Variants in DDX10 observed in about 807,000 individuals in gnomAD.
DDX10 encodes probable ATP-dependent RNA helicase DDX10.
A neutral mutation model predicts 104.3 loss-of-function variants in DDX10; 74 were observed. That is an observed-to-expected ratio of 0.71 (90% CI 0.59 to 0.86). The LOEUF (loss-of-function observed/expected upper bound fraction) is 0.86, where lower values mean the gene tolerates loss of function less well. DDX10 is among the 40% of genes least tolerant of loss of function. The pLI is 0.00. For synonymous variants in DDX10, 351 were observed against 353.4 expected, an observed-to-expected ratio of 0.99 and a Z score of 0.08; for missense variants, 952 against 1,040.0, an observed-to-expected ratio of 0.92 and a Z score of 1.16.
chr11:108,875,211 G>A (rs75990478), intron 16 of DDX10, among the ~76,000 whole-genome samples: 9 of 152,244 alleles, frequency 5.9e-5, no homozygotes, highest in South Asian at 2.1e-4. Flanking sequence ...GACTGGCTGC[G>A]TTTAGTCAAT....
At chr11:108,764,006 A>G (rs2094353685) in intron 13 of DDX10, among the ~76,000 whole-genome samples, 1 of 152,216 alleles carries the variant, frequency 6.6e-6, no homozygotes, top group Non-Finnish European at 1.5e-5. Flanking sequence ...TAAAATAATG[A>G]GAATTGTAGA....
Position 108,931,245 on chromosome 11 carries a change from A to G in DDX10, c.2451-9001A>G, listed in dbSNP as rs547181930. ...ACAGAAAAGTAAGATCATGCCCACC[A>G]TGGGGAGTTGGAGAAGCTATAGTTA... On this transcript the variant is annotated intron_variant, in intron 17 of 17. Transcript: ENST00000322536. Among the ~76,000 whole-genome samples the G allele has an allele frequency of 8.5e-5, 13 of 152,342 alleles. No homozygotes were observed. The South Asian group carries it at 2.7e-3, about 32-fold the overall frequency.
At chr11:108,938,337 C>T (rs1395996512) in intron 17 of DDX10, among the ~76,000 whole-genome samples, 1 of 152,282 alleles carries the variant, frequency 6.6e-6, no homozygotes, top group Non-Finnish European at 1.5e-5. Flanking sequence ...AAATTTTCTA[C>T]CTTTTATTAT....
At chr11:108,849,797 C>T (rs1472146366) in intron 15 of DDX10, among the ~76,000 whole-genome samples, 1 of 152,050 alleles carries the variant, frequency 6.6e-6, no homozygotes, top group African/African-American at 2.4e-5. Flanking sequence ...GGGAGGAGGA[C>T]TTCAATTACT....
chr11:108,865,927 GA>G (rs1392723833), intron 16 of DDX10, among the ~76,000 whole-genome samples: 5 of 151,828 alleles, frequency 3.3e-5, no homozygotes, highest in African/African-American at 1.2e-4. Flanking sequence ...TGAATCCAAA[GA>G]AAAAAAATAA....
intron 13 of DDX10, among the ~76,000 whole-genome samples, chr11:108,803,958 T>C (rs1862061344): frequency 6.6e-6 from 1 of 152,206 alleles, no homozygotes; most frequent in Non-Finnish European, 1.5e-5. Flanking sequence ...CTCTCATCCC[T>C]TTTAGAGTAA....
At chr11:108,802,844 C>G (rs1033615556) in intron 13 of DDX10, among the ~76,000 whole-genome samples, 1 of 152,108 alleles carries the variant, frequency 6.6e-6, no homozygotes, top group African/African-American at 2.4e-5. Context: ...TGACCAAAAC[C>G]AATTTTATAT....
chr11:108,851,041 TGCTAATG>T lies in DDX10; in HGVS notation c.2248-1110_2248-1104del, dbSNP rs1410972782. Among the ~76,000 whole-genome samples, 29 of 152,212 alleles carry T rather than the reference TGCTAATG, an allele frequency of 1.9e-4. 1 individual carries two copies. The highest frequency in any genetic ancestry group is 1.9e-3 in the Admixed American group (29 of 15,276). On this transcript the variant is annotated intron_variant, in intron 15 of 17. Transcript: ENST00000322536. ...TGTTGGTAAGAAAATAACAGTAATG[TGCTAATG>T]GACAAAGAAATTTTTATGAAAGTAC...
intron 1 of DDX10, among the ~76,000 whole-genome samples, chr11:108,672,544 G>A (rs1180376404): frequency 3.9e-5 from 6 of 152,212 alleles, no homozygotes; most frequent in Non-Finnish European, 7.3e-5. Flanking sequence ...AGCATTGGAG[G>A]GCACAGAGTA....
intron 16 of DDX10, among the ~76,000 whole-genome samples, chr11:108,903,183 C>T (rs1231855253): frequency 6.6e-6 from 1 of 152,130 alleles, no homozygotes; most frequent in Admixed American, 6.5e-5. Flanking sequence ...TTGACACCCC[C>T]AAAAGGAACC....
chr11:108,678,725 C>T (rs1046536213), intron 5 of DDX10, among the ~76,000 whole-genome samples: 1 of 152,004 alleles, frequency 6.6e-6, no homozygotes, highest in Non-Finnish European at 1.5e-5. Context: ...GTCAAATTGG[C>T]ATTTTTTTAA....
At chr11:108,826,781 C>T (rs1862401560) in intron 13 of DDX10, among the ~76,000 whole-genome samples, 1 of 152,006 alleles carries the variant, frequency 6.6e-6, no homozygotes, top group Admixed American at 6.6e-5. Flanking sequence ...ATTGAGAGGC[C>T]CTTGATCCAG....
chr11:108,734,418 G>A (rs1395899485), intron 13 of DDX10, among the ~76,000 whole-genome samples: 1 of 152,114 alleles, frequency 6.6e-6, no homozygotes, highest in Non-Finnish European at 1.5e-5. Flanking sequence ...CAATTCAAAA[G>A]GAGTTGTTAT....
intron 13 of DDX10, among the ~76,000 whole-genome samples, chr11:108,753,329 ATAAC>A (rs1480133958): frequency 1.3e-5 from 2 of 152,142 alleles, no homozygotes; most frequent in Admixed American, 6.6e-5. Context: ...ATTAAAATAA[ATAAC>A]AGTCCTTTTA....
At chr11:108,864,243 C>G (rs1215991533) in intron 16 of DDX10, among the ~76,000 whole-genome samples, 3 of 152,102 alleles carry the variant, frequency 2.0e-5, no homozygotes, top group Admixed American at 1.3e-4. Flanking sequence ...CTGGAAATCA[C>G]TGAAAGATGT....
intron 16 of DDX10, among the ~76,000 whole-genome samples, chr11:108,898,738 G>A (rs1863473577): frequency 6.6e-6 from 1 of 151,896 alleles, no homozygotes; most frequent in Non-Finnish European, 1.5e-5. Context: ...GAGCCTGACT[G>A]GTAAGAAATA....
intron 16 of DDX10, among the ~76,000 whole-genome samples, chr11:108,901,293 T>C (rs932599523): frequency 2.0e-5 from 3 of 152,204 alleles, no homozygotes; most frequent in Admixed American, 1.3e-4. Flanking sequence ...TAAATACTTG[T>C]TGCGTGAATT....
chr11:108,726,675 TTTTTTCTTTC>T (rs1444308200), intron 13 of DDX10, among the ~76,000 whole-genome samples: 1 of 152,048 alleles, frequency 6.6e-6, no homozygotes, highest in African/African-American at 2.4e-5. Context: ...CATATATTTC[TTTTTTCTTTC>T]TTTTTCTTTT....
At chr11:108,892,970 T>C (rs539989471) in intron 16 of DDX10, among the ~76,000 whole-genome samples, 7 of 152,176 alleles carry the variant, frequency 4.6e-5, no homozygotes, top group South Asian at 2.1e-4. Context: ...AAGTTCCAAC[T>C]CATCCTTAAG....
Sources: gnomAD v4.1 joint callset for allele counts (sites outside exome capture counted in the v4.1 genomes callset) on GRCh38, gnomAD v4.1.1 for gene constraint, MANE v1.5 for transcripts, NCBI Gene and HGNC (gene_info 2026-07-23, HGNC 2026-07-21) for gene names.